PDE7B: variants seen among roughly 807,000 people sequenced by gnomAD.
PDE7B encodes 3',5'-cyclic-AMP phosphodiesterase 7B.
A neutral mutation model predicts 56.2 loss-of-function variants in PDE7B; 29 were observed. That is an observed-to-expected ratio of 0.52 (90% confidence interval 0.38 to 0.70). The LOEUF is 0.70. Among genes scored for constraint, PDE7B ranks in the 30% least tolerant of loss-of-function variants. The pLI is 0.00. For missense variants in PDE7B, 490 were observed against 565.0 expected, an observed-to-expected ratio of 0.87 and a Z score of 1.35; for synonymous variants, 197 against 196.9, an observed-to-expected ratio of 1.00 and a Z score of 0.00.
At chr6:136,109,903 A>G (rs114150292) in intron 3 of PDE7B, among the ~76,000 whole-genome samples, 1 of 152,282 alleles carries the variant, frequency 6.6e-6, no homozygotes, top group African/African-American at 2.4e-5. Flanking sequence ...ATAAATTTCA[A>G]AGTGCTAGAT....
At chr6:136,126,803 A>C (rs1182832089) in intron 3 of PDE7B, among the ~76,000 whole-genome samples, 1 of 152,172 alleles carries the variant, frequency 6.6e-6, no homozygotes, top group Non-Finnish European at 1.5e-5. Context: ...GACTCGGGGA[A>C]AGGATGGGAA....
At chr6:135,981,583 A>T (rs1266482994) in intron 2 of PDE7B, among the ~76,000 whole-genome samples, 1 of 150,092 alleles carries the variant, frequency 6.7e-6, no homozygotes, top group Non-Finnish European at 1.5e-5. Context: ...GATGTTGATC[A>T]TCTTGACCCT....
intron 9 of PDE7B, among the ~76,000 whole-genome samples, chr6:136,176,222 T>G (rs1304942528): frequency 6.6e-6 from 1 of 152,056 alleles, no homozygotes; most frequent in African/African-American, 2.4e-5. Context: ...AGTTTTTAGT[T>G]TGCCTTTTGA....
chr6:135,900,362 A>G (rs1775978421), intron 1 of PDE7B, among the ~76,000 whole-genome samples: 1 of 152,024 alleles, frequency 6.6e-6, no homozygotes, highest in Admixed American at 6.6e-5. Context: ...TATATCTGCT[A>G]TATTTTACAT....
chr6:136,083,892 T>C lies in PDE7B; in HGVS notation c.83-24839T>C, dbSNP rs116141594. ...ATCAGATACAAGAGACATAGCTCCC[T>C]AATATCAGCAACAAATGATTTCTGA... On this transcript the variant is annotated intron_variant, in intron 2 of 12. Transcript: ENST00000308191. 3.8e-3 allele frequency among the ~76,000 whole-genome samples: 574 copies of C among 152,284 alleles called. 1 individual carries two copies. The highest frequency in any genetic ancestry group is 0.02 in the Middle Eastern group (6 of 294).
At chr6:136,006,046 T>A (rs373603179) in intron 2 of PDE7B, among the ~76,000 whole-genome samples, 1 of 151,716 alleles carries the variant, frequency 6.6e-6, no homozygotes. Context: ...TGAGATCATG[T>A]CCTTTGTAGG....
chr6:135,855,878 T>C (rs6930043), intron 1 of PDE7B, among the ~76,000 whole-genome samples: 6,690 of 152,120 alleles, frequency 0.044, 478 homozygotes, highest in African/African-American at 0.15. Context: ...TCAGGAAAAC[T>C]CTCATGGTGG....
At chr6:136,044,015 C>T (rs549745553) in intron 2 of PDE7B, 1 of 152,250 alleles carries the variant, frequency 6.6e-6, no homozygotes, top group East Asian at 1.9e-4. Flanking sequence ...AGACAAACCT[C>T]CCACAGCATC....
chr6:136,148,253 G>A (rs1316503117), intron 4 of PDE7B, among the ~76,000 whole-genome samples: 2 of 151,958 alleles, frequency 1.3e-5, no homozygotes, highest in African/African-American at 2.4e-5. Context: ...TACTTTGAGA[G>A]GCTGAGGCAG....
At position 135,936,010 on chromosome 6, in the gene PDE7B, T is replaced by C. The variant is rs1356658132; in HGVS notation, c.22-11454T>C. On this transcript the variant is annotated intron_variant, in intron 1 of 12. Transcript: ENST00000308191. ...GCCCTTCTCCCTATGCAAAAGTGTTTGTTCGTTTGTGGCTCAGAGGCTCTG... is the reference window on the plus strand; with the variant it reads ...GCCCTTCTCCCTATGCAAAAGTGTTCGTTCGTTTGTGGCTCAGAGGCTCTG... 5.3e-5 allele frequency among the ~76,000 whole-genome samples: 8 copies of C among 152,216 alleles called. No individual in the cohort carries two copies. The East Asian group carries it at 1.3e-3, about 26-fold the overall frequency.
chr6:136,049,736 G>GATTAGTCA (rs1776591665), intron 2 of PDE7B, among the ~76,000 whole-genome samples: 1 of 152,200 alleles, frequency 6.6e-6, no homozygotes, highest in Admixed American at 6.5e-5. Flanking sequence ...TGAGAATGGA[G>GATTAGTCA]ATTAGTCAAA....
chr6:136,187,650 CTCTT>C (rs1328947156), intron 12 of PDE7B, among the ~76,000 whole-genome samples: 4 of 152,344 alleles, frequency 2.6e-5, no homozygotes, highest in African/African-American at 4.8e-5. Context: ...AAACCACACT[CTCTT>C]TCAAGTGTCA....
At chr6:135,874,981 G>C (rs1055598253) in intron 1 of PDE7B, among the ~76,000 whole-genome samples, 2 of 151,840 alleles carry the variant, frequency 1.3e-5, no homozygotes, top group Non-Finnish European at 2.9e-5. Context: ...TTTTATTTCT[G>C]CTAAGAAGTC....
At chr6:136,187,722 CTAAT>C (rs1320453489) in intron 12 of PDE7B, among the ~76,000 whole-genome samples, 19 of 152,188 alleles carry the variant, frequency 1.2e-4, no homozygotes, top group Non-Finnish European at 5.9e-5. Context: ...ATTGCTTTAT[CTAAT>C]TAAGTTATGC....
At chr6:135,875,777 G>A (rs1304840201) in intron 1 of PDE7B, among the ~76,000 whole-genome samples, 1 of 152,170 alleles carries the variant, frequency 6.6e-6, no homozygotes, top group African/African-American at 2.4e-5. Context: ...ACAGGATCTA[G>A]AATTCTCTAG....
At chr6:135,933,869 AG>A (rs1217922510) in intron 1 of PDE7B, among the ~76,000 whole-genome samples, 2 of 152,172 alleles carry the variant, frequency 1.3e-5, no homozygotes, top group Non-Finnish European at 2.9e-5. Flanking sequence ...CCTTTTCTTA[AG>A]AGTCCTCCCT....
chr6:135,904,122 G>T (rs1196830823), intron 1 of PDE7B, among the ~76,000 whole-genome samples: 1 of 152,136 alleles, frequency 6.6e-6, no homozygotes, highest in East Asian at 1.9e-4. Context: ...ACAGGGAATG[G>T]GCAAGAAATT....
Position 136,012,163 on chromosome 6 carries a change from C to G in PDE7B, c.82+64639C>G, listed in dbSNP as rs370092327. ...ACAGAGCACCCACTCCCTTCCCAGC[C>G]CCTGCCTACAAGCTCCCTTCCCACC... is the stretch of plus-strand genomic sequence containing the variant. On this transcript the variant is annotated intron_variant, in intron 2 of 12. Transcript: ENST00000308191. Among the ~76,000 whole-genome samples, 10 of 152,240 alleles carry G rather than the reference C, an allele frequency of 6.6e-5. No individual in the cohort carries two copies. The East Asian group carries it at 1.7e-3, about 27-fold the overall frequency.
intron 1 of PDE7B, among the ~76,000 whole-genome samples, chr6:135,919,386 C>T (rs774627719): frequency 1.8e-4 from 28 of 152,276 alleles, no homozygotes; most frequent in Admixed American, 6.5e-5. Context: ...TCTTGAAGAA[C>T]TTTGCTAAGA....
Sources: allele counts gnomAD v4.1 joint callset (sites outside exome capture counted in the v4.1 genomes callset), GRCh38; gene constraint gnomAD v4.1.1; transcripts MANE v1.5; gene names NCBI Gene and HGNC (gene_info 2026-07-23, HGNC 2026-07-21).